CMYA5: variants seen among roughly 807,000 people sequenced by gnomAD.
The protein encoded by CMYA5 is cardiomyopathy associated 5.
CMYA5 carries 246 observed loss-of-function variants against 318.9 expected under a neutral mutation model. The observed-to-expected ratio is 0.77, with a 90% CI of 0.70 to 0.86. The LOEUF (loss-of-function observed/expected upper bound fraction) is 0.86, where lower values mean the gene tolerates loss of function less well. CMYA5 is among the 40% of genes least tolerant of loss of function. The pLI is 0.00. For missense variants in CMYA5, 4,589 were observed against 4,678.2 expected (o/e 0.98, Z 0.56); for synonymous variants, 1,641 against 1,729.5 (o/e 0.95, Z 1.27).
intron 3 of CMYA5, 75 bp downstream of exon 3, chr5:79,743,997 G>T: frequency 1.4e-6 from 1 of 723,980 alleles, no homozygotes; most frequent in Non-Finnish European, 2.2e-6. Flanking sequence ...GAGGTGAAGG[G>T]ATCTGACTTG....
At chr5:79,713,222 C>T (rs918108561) in intron 1 of CMYA5, among the ~76,000 whole-genome samples, 5 of 152,126 alleles carry the variant, frequency 3.3e-5, no homozygotes, top group African/African-American at 4.8e-5. Context: ...GTACTAATGG[C>T]ATCTGGTGGA....
At chr5:79,757,126 T>TG (rs1828543893) in intron 6 of CMYA5, among the ~76,000 whole-genome samples, 1 of 141,758 alleles carries the variant, frequency 7.1e-6, no homozygotes, top group Non-Finnish European at 1.5e-5. Flanking sequence ...ACCCAGGAGG[T>TG]GGAGGTTGCA....
chr5:79,737,352 A>G lies in CMYA5; in HGVS notation c.8587A>G (p.Lys2863Glu), dbSNP rs1048475905. ...TSKDDTSDVPKQSVLVSKHHL... is the reference protein window; with the variant it reads ...TSKDDTSDVPEQSVLVSKHHL... The stretch of plus-strand genomic sequence containing the variant: ...TAAAGATGACACATCCGATGTGCCT[A>G]AACAATCTGTTCTTGTTTCAAAGCA... Residue 2863 changes from lysine to glutamate, a missense_variant, in exon 2 of 13, where the codon AAA (lysine) becomes GAA (glutamate). This residue lies in a region of CMYA5 where 2,431 missense variants were observed against 2,495.1 expected (regional missense o/e 0.97). Coordinates refer to ENST00000446378, the MANE Select transcript of CMYA5 (RefSeq NM_153610.5). The G allele has an allele frequency of 1.2e-6, 2 of 1,613,756 alleles. No individual in the cohort carries two copies. The highest frequency in any genetic ancestry group is 2.7e-5 in the African/African-American group (2 of 74,916).
At position 79,799,873 on chromosome 5, in the gene CMYA5, A is replaced by ACGGCCACCACCG; in HGVS notation, c.*257_*258insCGGCCACCACCG. ...AAGTTTGAGTTCTTTCCTAAATTAA[A>ACGGCCACCACCG]AGATCTACACTTGAGTTGGGAACCG... On this transcript the variant is annotated 3_prime_UTR_variant, in exon 13 of 13. Coordinates refer to ENST00000446378, the MANE Select transcript of CMYA5 (RefSeq NM_153610.5). 1 of 142,348 alleles carries ACGGCCACCACCG rather than the reference A, an allele frequency of 7.0e-6. No individual in the cohort carries two copies. 8.8% of individuals were successfully genotyped at this position (142,348 alleles called of 1,614,324 possible).
At chr5:79,747,408 C>T (rs776673606) in intron 5 of CMYA5, among the ~76,000 whole-genome samples, 65 of 152,302 alleles carry the variant, frequency 4.3e-4, no homozygotes, top group Admixed American at 7.8e-4. Flanking sequence ...GCATATAGAA[C>T]ATTTTGTAGA....
chr5:79,701,247 C>T (rs1827170064), intron 1 of CMYA5, among the ~76,000 whole-genome samples: 1 of 152,014 alleles, frequency 6.6e-6, no homozygotes, highest in South Asian at 2.1e-4. Flanking sequence ...AATAAACAAA[C>T]AAACAAACAA....
chr5:79,791,680 A>T (rs1829182536), intron 11 of CMYA5, among the ~76,000 whole-genome samples: 1 of 145,750 alleles, frequency 6.9e-6, no homozygotes, highest in South Asian at 2.2e-4. Context: ...AGATTGTGCC[A>T]TTGCACTCCA....
chr5:79,793,775 T>A (rs1220867412), intron 12 of CMYA5, among the ~76,000 whole-genome samples, 165 bp downstream of exon 12: 1 of 152,174 alleles, frequency 6.6e-6, no homozygotes, highest in African/African-American at 2.4e-5. Context: ...ACTCTGACTC[T>A]GATTACTGAG....
rs151205606 is a variant in CMYA5, at chr5:79,719,650, A to G, written c.150-9265A>G. On this transcript the variant is annotated intron_variant, in intron 1 of 12. Coordinates refer to ENST00000446378, the MANE Select transcript of CMYA5 (RefSeq NM_153610.5). ...TTTCCTTCCTACCGTGCAAAGGGAC[A>G]TGAACACACAATGAAAATATAAATT... Among the ~76,000 whole-genome samples, 754 of 152,346 alleles carry G rather than the reference A, an allele frequency of 4.9e-3. 2 individuals are homozygous for G. The highest frequency in any genetic ancestry group is 0.027 in the Middle Eastern group (8 of 294).
chr5:79,763,098 CTG>C lies in CMYA5; in HGVS notation c.11450_11451del (p.Cys3817LeufsTer30). Reference sequence around the variant, plus strand: ...CCTGTGATCCGCGCTGAGGACTGTACTGTGTGTTGGAACACAGCCACTATCCG... The same window carrying C: ...CCTGTGATCCGCGCTGAGGACTGTACTGTGTTGGAACACAGCCACTATCCG... On this transcript the variant is annotated frameshift_variant, in exon 9 of 13. Coordinates refer to ENST00000446378, the MANE Select transcript of CMYA5 (RefSeq NM_153610.5). LOFTEE classifies it high-confidence loss of function. 6.2e-7 allele frequency: 1 copy of C among 1,613,912 alleles called. No individual in the cohort carries two copies. Among genetic ancestry groups the C allele is most frequent in the Non-Finnish European group, 8.5e-7 (1 of 1,179,882 alleles).
chr5:79,713,735 G>T (rs1269932358), intron 1 of CMYA5, among the ~76,000 whole-genome samples: 4 of 152,038 alleles, frequency 2.6e-5, no homozygotes, highest in Admixed American at 1.3e-4. Flanking sequence ...TTCTCGATGG[G>T]TCATGTTAAC....
intron 1 of CMYA5, among the ~76,000 whole-genome samples, chr5:79,701,971 C>T (rs1827181775): frequency 6.6e-6 from 1 of 151,866 alleles, no homozygotes; most frequent in East Asian, 1.9e-4. Context: ...ACTAAAAATA[C>T]AGAAAATTAG....
chr5:79,706,589 C>T (rs1001698546), intron 1 of CMYA5, among the ~76,000 whole-genome samples: 1 of 152,016 alleles, frequency 6.6e-6, no homozygotes, highest in Non-Finnish European at 1.5e-5. Flanking sequence ...GAACAGGTGC[C>T]CCTCATGCGT....
At position 79,735,550 on chromosome 5, in the gene CMYA5, T is replaced by C. The variant is rs968377404; in HGVS notation, c.6785T>C (p.Val2262Ala). ...GTAAAATCTGGTGACGGTCAAAACG[T>C]TAAAGAAAAATCCATGATTTTATCA... ...TLVKSGDGQN[V>A]KEKSMILSNV... The change falls in exon 2 of 13, where the codon GTT (valine) becomes GCT (alanine). Residue 2262 changes from valine (V) to alanine (A), a missense_variant. Val to Ala is a moderately conservative substitution (Grantham distance 64, BLOSUM62 0). Coordinates refer to ENST00000446378, the MANE Select transcript of CMYA5 (RefSeq NM_153610.5). 4 of 1,612,938 alleles carry C rather than the reference T, an allele frequency of 2.5e-6. No homozygotes were observed. The African/African-American group carries it at 5.4e-5, about 22-fold the overall frequency.
chr5:79,729,324 G>A lies in CMYA5; in HGVS notation c.559G>A (p.Gly187Ser). ...LTTEKEKSYT[G>S]IYDKARKKKT... Reference sequence around the variant, plus strand: ...CACGGAGAAAGAGAAGTCATATACTGGCATTTATGATAAAGCAAGAAAAAA... The same window carrying A: ...CACGGAGAAAGAGAAGTCATATACTAGCATTTATGATAAAGCAAGAAAAAA... Residue 187 changes from glycine (G) to serine (S), a missense_variant, in exon 2 of 13, where the codon GGC becomes AGC. By Grantham distance (56) the Gly-to-Ser change is moderately conservative. Coordinates refer to ENST00000446378, the MANE Select transcript of CMYA5 (RefSeq NM_153610.5). The A allele has an allele frequency of 6.2e-7, 1 of 1,612,138 alleles. No individual in the cohort carries two copies. Among genetic ancestry groups the A allele is most frequent in the Non-Finnish European group, 8.5e-7 (1 of 1,179,486 alleles).
Position 79,735,003 on chromosome 5 carries a change from G to A in CMYA5, c.6238G>A (p.Glu2080Lys), listed in dbSNP as rs1828019978. 1.1e-5 allele frequency: 17 copies of A among 1,613,586 alleles called. No homozygotes were observed. The South Asian group carries it at 1.8e-4, about 17-fold the overall frequency. ...KTAHFPAEGV[E>K]PALGNEKEAH... ...AGCCCATTTCCCGGCAGAAGGTGTG[G>A]AACCTGCATTGGGCAATGAAAAAGA... The change falls in exon 2 of 13, where the codon GAA (glutamate) becomes AAA (lysine). Residue 2080 changes from glutamate to lysine, a missense_variant. Glu to Lys is a moderately conservative substitution (Grantham distance 56, BLOSUM62 1). Coordinates refer to ENST00000446378, the MANE Select transcript of CMYA5 (RefSeq NM_153610.5).
chr5:79,709,016 G>A (rs188962197), intron 1 of CMYA5, among the ~76,000 whole-genome samples: 40 of 152,200 alleles, frequency 2.6e-4, no homozygotes, highest in African/African-American at 8.7e-4. Context: ...CTGAATTCCA[G>A]TAAATCTGAA....
Position 79,729,516 on chromosome 5 carries a change from G to T in CMYA5, c.751G>T (p.Gly251Cys), listed in dbSNP as rs765066578. The change falls in exon 2 of 13, where the codon GGT becomes TGT. Residue 251 changes from glycine to cysteine, a missense_variant. Around this residue, in one of 3 missense-constraint regions of CMYA5, gnomAD observed 2,132 missense variants for 2,131.3 expected, o/e 1.00. Coordinates refer to ENST00000446378, the MANE Select transcript of CMYA5 (RefSeq NM_153610.5). Reference protein sequence around the residue: ...PLQFYGTLPKGYVIKEIHYRK... With the variant: ...PLQFYGTLPKCYVIKEIHYRK... ...ACAATTTTATGGAACATTGCCAAAG[G>T]GTTATGTAATTAAAGAAATACATTA... 1.9e-6 allele frequency: 3 copies of T among 1,611,436 alleles called. No homozygotes were observed. Among genetic ancestry groups the T allele is most frequent in the Non-Finnish European group, 8.5e-7 (1 of 1,178,400 alleles).
chr5:79,735,746 G>C lies in CMYA5; in HGVS notation c.6981G>C (p.Leu2327Phe). The C allele has an allele frequency of 6.3e-7, 1 of 1,584,964 alleles. No homozygotes were observed. Among genetic ancestry groups the C allele is most frequent in the South Asian group, 1.2e-5 (1 of 84,338 alleles). ...CTTATTCACTAATCGGTGAGAAATT[G>C]GTTATGGAAGAAGCCAAAACTATTG... Reference protein sequence around the residue: ...IQSYSLIGEKLVMEEAKTIVP... With the variant: ...IQSYSLIGEKFVMEEAKTIVP... The change falls in exon 2 of 13, where the codon TTG (leucine) becomes TTC (phenylalanine). Residue 2327 changes from leucine (L) to phenylalanine (F), a missense_variant. This residue lies in a region of CMYA5 where 2,431 missense variants were observed against 2,495.1 expected (regional missense o/e 0.97). Transcript: ENST00000446378.
Sources: allele counts gnomAD v4.1 joint callset (sites outside exome capture counted in the v4.1 genomes callset), GRCh38; gene constraint gnomAD v4.1.1; regional missense constraint gnomAD v4.1.1; transcripts MANE v1.5; gene names NCBI Gene and HGNC (gene_info 2026-07-23, HGNC 2026-07-21).